The following PATJ variants were observed in gnomAD, a reference collection of about 807,000 sequenced individuals.
PATJ encodes PATJ crumbs cell polarity complex component.
A neutral mutation model predicts 224.9 loss-of-function variants in PATJ; 190 were observed. The ratio of observed to expected loss-of-function variants is 0.84; its 90% CI spans 0.75 to 0.95. The LOEUF is 0.95. Ranked by LOEUF, PATJ falls within the 40% of genes least tolerant of loss-of-function variation. The pLI is 0.00. For synonymous variants in PATJ, 769 were observed against 820.3 expected (o/e 0.94, Z 1.07); for missense variants, 2,121 against 2,270.3 (o/e 0.93, Z 1.34).
intron 31 of PATJ, chr1:62,054,336 C>A (rs978816197): frequency 6.8e-6 from 3 of 439,882 alleles, no homozygotes; most frequent in African/African-American, 2.0e-5. Flanking sequence ...GCACTCCAGC[C>A]TGGGTGACAG....
intron 9 of PATJ, among the ~76,000 whole-genome samples, chr1:61,793,699 G>A (rs142397564): frequency 6.7e-6 from 1 of 150,340 alleles, no homozygotes; most frequent in Non-Finnish European, 1.5e-5. Flanking sequence ...CTGCAACCTG[G>A]GCAACAGAGC....
chr1:62,149,910 T>A (rs1426186623), intron 42 of PATJ, among the ~76,000 whole-genome samples: 1 of 152,178 alleles, frequency 6.6e-6, no homozygotes, highest in Middle Eastern at 3.2e-3. Context: ...CATCTGATGT[T>A]GCCAGTTGAG....
intron 22 of PATJ, among the ~76,000 whole-genome samples, chr1:61,899,130 A>G (rs934803846): frequency 6.6e-6 from 1 of 152,154 alleles, no homozygotes; most frequent in Non-Finnish European, 1.5e-5. Context: ...GATACAAATG[A>G]CGGGGAAATA....
chr1:62,019,090 A>G (rs1646933905), intron 29 of PATJ, among the ~76,000 whole-genome samples: 1 of 151,996 alleles, frequency 6.6e-6, no homozygotes, highest in Admixed American at 6.6e-5. Flanking sequence ...TAAAAAATAC[A>G]AAAAATTAGC....
intron 7 of PATJ, among the ~76,000 whole-genome samples, chr1:61,780,422 G>A (rs1441446835): frequency 3.9e-5 from 6 of 152,076 alleles, no homozygotes; most frequent in South Asian, 2.1e-4. Flanking sequence ...CCAAGATCAC[G>A]CCACAGCACT....
chr1:61,939,222 C>A (rs1261766631), intron 27 of PATJ, among the ~76,000 whole-genome samples: 1 of 150,012 alleles, frequency 6.7e-6, no homozygotes, highest in Admixed American at 6.7e-5. Flanking sequence ...AAAATATAAC[C>A]TTGGTACAGA....
intron 17 of PATJ, among the ~76,000 whole-genome samples, chr1:61,839,975 A>C (rs1276859936): frequency 6.6e-6 from 1 of 152,074 alleles, no homozygotes; most frequent in East Asian, 1.9e-4. Context: ...GCTCGAAACC[A>C]AAGTCAAATG....
intron 28 of PATJ, among the ~76,000 whole-genome samples, chr1:62,006,558 T>A (rs548149360): frequency 6.6e-6 from 1 of 152,340 alleles, no homozygotes; most frequent in African/African-American, 2.4e-5. Flanking sequence ...TTGTATAGTA[T>A]AACAAAAGGA....
At chr1:62,108,409 A>G in intron 33 of PATJ, 28 bp from the exon 34 acceptor site, 1 of 1,482,402 alleles carries the variant, frequency 6.7e-7, no homozygotes, top group Non-Finnish European at 9.3e-7. Flanking sequence ...GTGGTTGTTG[A>G]AAATGAGTAA....
rs568689758 is a variant in PATJ, at chr1:61,857,371, C to T, written c.2322+1132C>T. Among the ~76,000 whole-genome samples the T allele has an allele frequency of 7.2e-5, 11 of 152,298 alleles. 1 individual carries two copies. The South Asian group carries it at 1.4e-3, about 20-fold the overall frequency. On this transcript the variant is annotated intron_variant, in intron 18 of 43. Coordinates refer to ENST00000642238, the MANE Select transcript of PATJ (RefSeq NM_001350145.3). Reference sequence around the variant, plus strand: ...TTACCCTCATTACAGATGAATCAATCGAGGCACAGAGAATTGAGTAACTTA... The same window carrying T: ...TTACCCTCATTACAGATGAATCAATTGAGGCACAGAGAATTGAGTAACTTA...
At chr1:61,855,997 T>A in intron 17 of PATJ, 33 bp from the exon 18 acceptor site, 5 of 1,528,066 alleles carry the variant, frequency 3.3e-6, no homozygotes, top group Non-Finnish European at 4.5e-6. Flanking sequence ...TTTCAGTGCA[T>A]GGACTCATCC....
At chr1:62,096,170 G>A (rs1661374012) in intron 33 of PATJ, among the ~76,000 whole-genome samples, 1 of 152,154 alleles carries the variant, frequency 6.6e-6, no homozygotes, top group Admixed American at 6.5e-5. Context: ...AAAACAACAT[G>A]AAACAAGAAG....
chr1:61,884,529 G>C lies in PATJ; in HGVS notation c.3131+121G>C, dbSNP rs1054082549. On this transcript the variant is annotated intron_variant, in intron 22 of 43. Coordinates refer to ENST00000642238, the MANE Select transcript of PATJ (RefSeq NM_001350145.3). ...TTTGGAAAATACAGAAAAATATTAT[G>C]AATAAAATCCACTATATTTGACAAT... 22 of 680,508 alleles carry C rather than the reference G, an allele frequency of 3.2e-5. No homozygotes were observed. In the East Asian group the frequency reaches 3.3e-4, roughly 10 times the overall value. 42.2% of individuals were successfully genotyped at this position (680,508 alleles called of 1,614,324 possible).
intron 28 of PATJ, chr1:62,013,540 G>T (rs534724251): frequency 4.1e-5 from 40 of 977,368 alleles, no homozygotes; most frequent in Non-Finnish European, 4.4e-5. Flanking sequence ...TAGGTGTTGC[G>T]TGCCTGCGCT....
At chr1:62,059,890 G>A (rs1179317139) in intron 31 of PATJ, among the ~76,000 whole-genome samples, 1 of 152,122 alleles carries the variant, frequency 6.6e-6, no homozygotes, top group Admixed American at 6.6e-5. Context: ...GTTGAAGAGG[G>A]AGGAGGCAAA....
chr1:61,822,819 T>TCTTTTAGG (rs889677240), intron 14 of PATJ, 126 bp from the exon 15 acceptor site: 3 of 1,100,126 alleles, frequency 2.7e-6, no homozygotes, highest in Non-Finnish European at 4.0e-6. Flanking sequence ...ATTATTGTCC[T>TCTTTTAGG]CTTTTAGGAT....
chr1:61,889,428 T>C (rs372717740), intron 22 of PATJ, among the ~76,000 whole-genome samples: 30 of 152,300 alleles, frequency 2.0e-4, no homozygotes, highest in African/African-American at 7.2e-4. Context: ...CAGAGCACAG[T>C]AGTCCCTTCT....
In PATJ at chr1:61,908,408, G is replaced by A. The variant is rs749559653; in HGVS notation, c.3418G>A (p.Glu1140Lys). ...AGATTTGCAGAATGCCTCACACAGCGAAGCAGTTGAGGCCATTAAGAATGC... is the reference window on the plus strand; with the variant it reads ...AGATTTGCAGAATGCCTCACACAGCAAAGCAGTTGAGGCCATTAAGAATGC... ...GVDLQNASHS[E>K]AVEAIKNAGN... Residue 1140 changes from glutamate (E) to lysine (K), a missense_variant, in exon 25 of 44, where the codon GAA (glutamate) becomes AAA (lysine). By Grantham distance (56) the Glu-to-Lys change is moderately conservative. Transcript: ENST00000642238. The A allele has an allele frequency of 3.0e-5, 48 of 1,613,784 alleles. No homozygotes were observed. In the East Asian group the frequency reaches 7.6e-4, roughly 25 times the overall value.
chr1:62,046,941 AT>A (rs1652675402), intron 30 of PATJ, among the ~76,000 whole-genome samples: 1 of 152,152 alleles, frequency 6.6e-6, no homozygotes. Flanking sequence ...GTTTTCTTAA[AT>A]TTTACAGGTT....
Sources: gnomAD v4.1 joint callset for allele counts (sites outside exome capture counted in the v4.1 genomes callset) on GRCh38, gnomAD v4.1.1 for gene constraint, MANE v1.5 for transcripts, NCBI Gene and HGNC (gene_info 2026-07-23, HGNC 2026-07-21) for gene names.